The following DNAH5 variants were observed in gnomAD, a reference collection of about 807,000 sequenced individuals.
DNAH5 encodes the protein axonemal beta dynein heavy chain 5.
DNAH5 carries 372 observed loss-of-function variants against 518.2 expected under a neutral mutation model. That is an observed-to-expected ratio of 0.72 (90% confidence interval 0.66 to 0.78). The LOEUF is 0.78. Among genes scored for constraint, DNAH5 ranks in the 30% least tolerant of loss-of-function variants. The pLI is 0.00. For synonymous variants in DNAH5, 2,039 were observed against 2,025.9 expected (o/e 1.01, Z -0.17); for missense variants, 5,523 against 5,687.0 (o/e 0.97, Z 0.93).
At chr5:13,861,965 AAAAAAAAAAAAC>A (rs1163032719) in intron 29 of DNAH5, among the ~76,000 whole-genome samples, 7 of 151,058 alleles carry the variant, frequency 4.6e-5, no homozygotes, top group South Asian at 2.1e-4. Context: ...AAAAAAAAAA[AAAAAAAAAAAAC>A]AAGTTCAAAT....
intron 55 of DNAH5, among the ~76,000 whole-genome samples, chr5:13,776,237 A>G (rs1754068674): frequency 6.6e-6 from 1 of 152,210 alleles, no homozygotes; most frequent in African/African-American, 2.4e-5. Flanking sequence ...TCCAAGAGAT[A>G]CTTGGCTTTA....
chr5:13,962,183 T>TA (rs1217584357), intron 1 of DNAH5, among the ~76,000 whole-genome samples: 42 of 152,322 alleles, frequency 2.8e-4, no homozygotes, highest in African/African-American at 9.9e-4. Context: ...TTGGTTTTGT[T>TA]ATTATGTTTT....
Position 13,894,637 on chromosome 5 carries a change from C to T in DNAH5, c.2431+13G>A, listed in dbSNP as rs1773679576. 6.2e-7 allele frequency: 1 copy of T among 1,613,318 alleles called. No homozygotes were observed. Among genetic ancestry groups the T allele is most frequent in the Non-Finnish European group, 8.5e-7 (1 of 1,179,452 alleles). The stretch of plus-strand genomic sequence containing the variant: ...TTAGAATTCAGAAATACTAATTATT[C>T]AGGCAGACTTACTGATCTTTGCAAA... On this transcript the variant is annotated intron_variant, in intron 16 of 78. Transcript: ENST00000265104.
chr5:13,864,588 G>T lies in DNAH5; in HGVS notation c.4405C>A (p.Leu1469Met). 2 of 1,614,062 alleles carry T rather than the reference G, an allele frequency of 1.2e-6. No homozygotes were observed. The highest frequency in any genetic ancestry group is 1.7e-6 in the Non-Finnish European group (2 of 1,180,016). ...ALKDWQAFLD[L>M]KKIIDDFSEC... ...CTGAAATCATCAATGATCTTCTTCA[G>T]GTCCAAAAAAGCCTGCCAGTCCTTC... The change falls in exon 28 of 79, where the codon CTG (leucine) becomes ATG (methionine). Residue 1469 changes from leucine (L) to methionine (M), a missense_variant. Physicochemically the swap from Leu to Met is conservative, Grantham distance 15. Coordinates refer to ENST00000265104, the MANE Select transcript of DNAH5 (RefSeq NM_001369.3).
chr5:13,862,778 C>T (rs1289422612), intron 28 of DNAH5, 31 bp from the exon 29 acceptor site: 1 of 1,586,698 alleles, frequency 6.3e-7, no homozygotes, highest in Admixed American at 1.7e-5. Flanking sequence ...CATGTTATTG[C>T]ATGAAAGTCA....
At chr5:13,878,686 G>T (rs1771233317) in intron 21 of DNAH5, among the ~76,000 whole-genome samples, 1 of 152,208 alleles carries the variant, frequency 6.6e-6, no homozygotes, top group South Asian at 2.1e-4. Flanking sequence ...CTGGGAGTCA[G>T]TGGGTCTTTG....
intron 1 of DNAH5, among the ~76,000 whole-genome samples, chr5:13,968,889 A>G (rs2152055413): frequency 6.6e-6 from 1 of 152,214 alleles, no homozygotes; most frequent in Middle Eastern, 3.4e-3. Flanking sequence ...GATAGGATTG[A>G]TATCAATTCT....
intron 3 of DNAH5, among the ~76,000 whole-genome samples, chr5:13,926,540 T>C (rs928023785): frequency 2.0e-5 from 3 of 152,196 alleles, no homozygotes; most frequent in African/African-American, 7.2e-5. Context: ...GGTTCAAGGA[T>C]GAGGAGGGAA....
chr5:13,880,923 C>T (rs984022881), intron 21 of DNAH5, among the ~76,000 whole-genome samples: 2 of 151,868 alleles, frequency 1.3e-5, no homozygotes, highest in Non-Finnish European at 1.5e-5. Flanking sequence ...GACCCAACTG[C>T]ATGCTGCTTA....
At chr5:13,809,742 CTT>C (rs1478708246) in intron 45 of DNAH5, among the ~76,000 whole-genome samples, 1 of 152,044 alleles carries the variant, frequency 6.6e-6, no homozygotes, top group Non-Finnish European at 1.5e-5. Flanking sequence ...ATACTTTAAA[CTT>C]TGTGACTTTT....
intron 11 of DNAH5, among the ~76,000 whole-genome samples, chr5:13,912,172 T>TAAG (rs1027150592): frequency 5.9e-5 from 9 of 152,178 alleles, no homozygotes; most frequent in African/African-American, 2.2e-4. Flanking sequence ...AACCAGGTAC[T>TAAG]AAGCCATTCT....
chr5:13,697,538 C>T (rs1318186212), intron 78 of DNAH5, among the ~76,000 whole-genome samples: 1 of 152,202 alleles, frequency 6.6e-6, no homozygotes, highest in Admixed American at 6.5e-5. Flanking sequence ...AGAATCATTT[C>T]TCTAGCAAAC....
intron 45 of DNAH5, among the ~76,000 whole-genome samples, chr5:13,809,786 C>A (rs1760293156): frequency 6.6e-6 from 1 of 152,072 alleles, no homozygotes; most frequent in Non-Finnish European, 1.5e-5. Context: ...GAATGAGTGA[C>A]AGAAATGGAT....
At chr5:13,778,731 C>G (rs1468284066) in intron 53 of DNAH5, among the ~76,000 whole-genome samples, 2 of 152,174 alleles carry the variant, frequency 1.3e-5, no homozygotes, top group Admixed American at 6.5e-5. Context: ...GCCTAAGACA[C>G]CAACAAATAG....
intron 1 of DNAH5, among the ~76,000 whole-genome samples, chr5:14,011,108 A>G (rs1473710064): frequency 6.6e-6 from 1 of 152,110 alleles, no homozygotes; most frequent in African/African-American, 2.4e-5. Context: ...TGTAAGAGAC[A>G]GAAAGAACCC....
intron 68 of DNAH5, among the ~76,000 whole-genome samples, chr5:13,731,021 A>G (rs992402464): frequency 2.0e-5 from 3 of 152,204 alleles, no homozygotes; most frequent in Non-Finnish European, 2.9e-5. Context: ...TATTCATAAA[A>G]TGATAAAATC....
rs1271428060 is a variant in DNAH5, at chr5:13,777,257, T to G, written c.9050A>C (p.Glu3017Ala). ...KGITFIFTDN[E>A]IKDESFLEYM... ...TTCCAAAAATGACTCATCTTTAATC[T>G]CATTGTCTGTGAAAATAAAAGTGAT... Residue 3017 changes from glutamate to alanine, a missense_variant, in exon 54 of 79, where the codon GAG (glutamate) becomes GCG (alanine). Physicochemically the swap from Glu to Ala is moderately radical, Grantham distance 107. This residue lies in a region of DNAH5 where 5,121 missense variants were observed against 5,223.3 expected (regional missense o/e 0.98). Transcript: ENST00000265104. 3 of 1,613,084 alleles carry G rather than the reference T, an allele frequency of 1.9e-6. No homozygotes were observed. In the East Asian group the frequency reaches 6.7e-5, roughly 36 times the overall value.
In DNAH5 at chr5:13,691,715, A is replaced by G. The variant is rs1740711756; in HGVS notation, c.*269T>C. On this transcript the variant is annotated 3_prime_UTR_variant, in exon 79 of 79. Transcript: ENST00000265104. ...GAGCGAAGTAAGAAGAAAATATACT[A>G]CTGTGGATTTGAGGGCCACACTTCA... The G allele has an allele frequency of 2.2e-6, 1 of 451,210 alleles. No homozygotes were observed. 28.0% of individuals were successfully genotyped at this position (451,210 alleles called of 1,614,324 possible). A position where few individuals can be genotyped will look rare whatever the true frequency, so the allele number is the denominator to read the frequency against.
intron 1 of DNAH5, among the ~76,000 whole-genome samples, chr5:13,942,530 ATC>A (rs975070455): frequency 2.0e-5 from 3 of 152,178 alleles, no homozygotes; most frequent in African/African-American, 7.2e-5. Context: ...TCCTTGTAAA[ATC>A]TAGTTTTAGC....
Sources: allele counts gnomAD v4.1 joint callset (sites outside exome capture counted in the v4.1 genomes callset), GRCh38; gene constraint gnomAD v4.1.1; regional missense constraint gnomAD v4.1.1; transcripts MANE v1.5; gene names NCBI Gene and HGNC (gene_info 2026-07-23, HGNC 2026-07-21).